ADGRB3: variants seen among roughly 807,000 people sequenced by gnomAD.
ADGRB3 encodes the protein adhesion G protein-coupled receptor B3.
ADGRB3 carries 37 observed loss-of-function variants against 193.4 expected under a neutral mutation model. The ratio of observed to expected loss-of-function variants is 0.19; its 90% CI spans 0.15 to 0.25. The LOEUF is 0.25. ADGRB3 is among the 10% of genes least tolerant of loss of function. ADGRB3 has a pLI of 1.00. For synonymous variants in ADGRB3, 690 were observed against 644.2 expected, an observed-to-expected ratio of 1.07 and a Z score of -1.08; for missense variants, 1,637 against 1,852.9, an observed-to-expected ratio of 0.88 and a Z score of 2.14.
At chr6:69,157,580 A>G (rs529433640) in intron 17 of ADGRB3, among the ~76,000 whole-genome samples, 1 of 152,166 alleles carries the variant, frequency 6.6e-6, no homozygotes, top group South Asian at 2.1e-4. Flanking sequence ...GTGATTCTAG[A>G]AAAGGCCTAT....
chr6:69,216,433 G>T (rs1398786731), intron 17 of ADGRB3, among the ~76,000 whole-genome samples: 1 of 152,162 alleles, frequency 6.6e-6, no homozygotes, highest in African/African-American at 2.4e-5. Context: ...CCTGGTTGTG[G>T]TTATCAGAGG....
In ADGRB3 at chr6:68,974,744, C is replaced by G; in HGVS notation, c.1526-19C>G. On this transcript the variant is annotated intron_variant, in intron 8 of 31. Transcript: ENST00000370598. ...TTTAAACACTACTGACATTCAAGTCCCTTTGTTTAAAATTGCAGCACCTTA... is the reference window on the plus strand; with the variant it reads ...TTTAAACACTACTGACATTCAAGTCGCTTTGTTTAAAATTGCAGCACCTTA... 1 of 1,609,196 alleles carries G rather than the reference C, an allele frequency of 6.2e-7. No homozygotes were observed. The highest frequency in any genetic ancestry group is 8.5e-7 in the Non-Finnish European group (1 of 1,176,218).
Position 69,338,851 on chromosome 6 carries a change from AG to A in ADGRB3, c.3189-64del, listed in dbSNP as rs1269114059. ...TCGTATTTAAAAGCTAACTTGAAGC[AG>A]CAATTTTTTTTTGGTGACAATTCAA... On this transcript the variant is annotated intron_variant, in intron 24 of 31. Coordinates refer to ENST00000370598, the MANE Select transcript of ADGRB3 (RefSeq NM_001704.3). 4.9e-6 allele frequency: 7 copies of A among 1,422,470 alleles called. No homozygotes were observed. The East Asian group carries it at 1.6e-4, about 33-fold the overall frequency. 88.1% of individuals were successfully genotyped at this position (1,422,470 alleles called of 1,614,324 possible).
chr6:69,322,527 T>C (rs1265529610), intron 20 of ADGRB3, among the ~76,000 whole-genome samples: 1 of 151,936 alleles, frequency 6.6e-6, no homozygotes, highest in Non-Finnish European at 1.5e-5. Flanking sequence ...ACTTTTTGGC[T>C]TTTTACTAAT....
chr6:69,034,391 A>ATT (rs921628828), intron 13 of ADGRB3, among the ~76,000 whole-genome samples: 2 of 151,590 alleles, frequency 1.3e-5, no homozygotes, highest in African/African-American at 4.8e-5. Flanking sequence ...TTTTAGAAAT[A>ATT]TGGAATATTT....
At chr6:68,847,720 A>G (rs1292104794) in intron 3 of ADGRB3, among the ~76,000 whole-genome samples, 1 of 152,212 alleles carries the variant, frequency 6.6e-6, no homozygotes, top group Non-Finnish European at 1.5e-5. Context: ...TATCAGCGGC[A>G]TAAAAACGGA....
At chr6:68,695,868 A>G (rs1765148974) in intron 3 of ADGRB3, among the ~76,000 whole-genome samples, 3 of 152,036 alleles carry the variant, frequency 2.0e-5, no homozygotes, top group Admixed American at 2.0e-4. Flanking sequence ...CAGAGGTAAA[A>G]TAACTGCGTG....
At chr6:69,081,900 C>T (rs1184643717) in intron 17 of ADGRB3, among the ~76,000 whole-genome samples, 5 of 152,054 alleles carry the variant, frequency 3.3e-5, no homozygotes, top group Admixed American at 1.3e-4. Context: ...ATCATGCCCT[C>T]AACACAAATT....
chr6:69,149,910 CTCTG>C lies in ADGRB3; in HGVS notation c.2480+73880_2480+73883del, dbSNP rs1212181775. Among the ~76,000 whole-genome samples, 287 of 149,458 alleles carry C rather than the reference CTCTG, an allele frequency of 1.9e-3. 5 individuals carry two copies. Among genetic ancestry groups the C allele is most frequent in the Admixed American group, 5.0e-3 (73 of 14,674 alleles). On this transcript the variant is annotated intron_variant, in intron 17 of 31. Coordinates refer to ENST00000370598, the MANE Select transcript of ADGRB3 (RefSeq NM_001704.3). ...ACAGAGTCTCTCTCTTTATCTCTCT[CTCTG>C]TCTGTCTTTCTGTGTGTGTGTGTGT...
chr6:68,866,791 G>A (rs573776), intron 3 of ADGRB3, among the ~76,000 whole-genome samples: 47,583 of 152,020 alleles, frequency 0.31, 8,093 homozygotes, highest in East Asian at 0.59. Context: ...GATTGGCAGC[G>A]TTGTCTCTGC....
rs568340594 is a variant in ADGRB3 at position 68,699,306 on chromosome 6, C to T, written c.757+59874C>T. ...GAGAAAAACTAGCACGTAAATGAGG[C>T]AATTCTAAAGAGTAAATCCAGCTAA... On this transcript the variant is annotated intron_variant, in intron 3 of 31. Transcript: ENST00000370598. Among the ~76,000 whole-genome samples the T allele has an allele frequency of 2.0e-5, 3 of 152,142 alleles. No homozygotes were observed. The South Asian group carries it at 6.2e-4, about 32-fold the overall frequency.
chr6:68,637,284 T>C (rs148200661), intron 1 of ADGRB3, 107 bp from the exon 2 acceptor site: 1 of 152,680 alleles, frequency 6.5e-6, no homozygotes, highest in East Asian at 1.9e-4. Flanking sequence ...GTGTGTGTTA[T>C]GCAATGGGAA....
In ADGRB3 at chr6:69,324,857, T is replaced by C. The variant is rs1401587395; in HGVS notation, c.2815-15T>C. Reference sequence around the variant, plus strand: ...CAGGTTCAGTGTGAGTCTTTTTGTTTGTTTGTTTCCACAGAGTATCTGCAC... The same window carrying C: ...CAGGTTCAGTGTGAGTCTTTTTGTTCGTTTGTTTCCACAGAGTATCTGCAC... On this transcript the variant is annotated splice_polypyrimidine_tract_variant and intron_variant, in intron 20 of 31. Coordinates refer to ENST00000370598, the MANE Select transcript of ADGRB3 (RefSeq NM_001704.3). 3 of 1,612,564 alleles carry C rather than the reference T, an allele frequency of 1.9e-6. No individual in the cohort carries two copies. Among genetic ancestry groups the C allele is most frequent in the African/African-American group, 2.7e-5 (2 of 74,818 alleles).
intron 3 of ADGRB3, among the ~76,000 whole-genome samples, chr6:68,868,481 G>A (rs765449919): frequency 5.9e-5 from 9 of 152,134 alleles, no homozygotes; most frequent in Non-Finnish European, 1.2e-4. Flanking sequence ...TCTTTAGGAA[G>A]ATTTTTGTGC....
intron 17 of ADGRB3, among the ~76,000 whole-genome samples, chr6:69,089,981 A>G (rs1348092276): frequency 6.6e-6 from 1 of 152,224 alleles, no homozygotes; most frequent in Non-Finnish European, 1.5e-5. Context: ...CCAACTTAGA[A>G]TAACAACCTC....
At chr6:69,237,261 G>T (rs1002131600) in intron 19 of ADGRB3, among the ~76,000 whole-genome samples, 2 of 151,920 alleles carry the variant, frequency 1.3e-5, no homozygotes, top group Non-Finnish European at 2.9e-5. Flanking sequence ...TCAGTAAAAA[G>T]TTTAGAAATT....
chr6:68,703,229 C>T (rs539152134), intron 3 of ADGRB3, among the ~76,000 whole-genome samples: 56 of 152,232 alleles, frequency 3.7e-4, no homozygotes, highest in African/African-American at 1.3e-3. Flanking sequence ...GATTTCAAAA[C>T]AATCTTTTTT....
At chr6:69,206,002 T>A (rs1383707840) in intron 17 of ADGRB3, among the ~76,000 whole-genome samples, 1 of 140,026 alleles carries the variant, frequency 7.1e-6, no homozygotes, top group Admixed American at 7.3e-5. Context: ...GGGACAGAAC[T>A]AATTAAAATA....
intron 28 of ADGRB3, among the ~76,000 whole-genome samples, chr6:69,356,543 C>T (rs551274076): frequency 6.6e-6 from 1 of 152,058 alleles, no homozygotes; most frequent in African/African-American, 2.4e-5. Flanking sequence ...GAGAGAAAAA[C>T]TAAGAATGGT....
Sources: allele counts gnomAD v4.1 joint callset (sites outside exome capture counted in the v4.1 genomes callset), GRCh38; gene constraint gnomAD v4.1.1; transcripts MANE v1.5; gene names NCBI Gene and HGNC (gene_info 2026-07-23, HGNC 2026-07-21).